DCC: variants seen among roughly 807,000 people sequenced by gnomAD.
DCC encodes the protein netrin receptor DCC.
A neutral mutation model predicts 172.5 loss-of-function variants in DCC; 58 were observed. The ratio of observed to expected loss-of-function variants is 0.34; its 90% CI spans 0.27 to 0.42. The LOEUF (loss-of-function observed/expected upper bound fraction) is 0.42. Among genes scored for constraint, DCC ranks in the 10% least tolerant of loss-of-function variants. The pLI is 1.00. For synonymous variants in DCC, 709 were observed against 644.5 expected, an observed-to-expected ratio of 1.10 and a Z score of -1.52; for missense variants, 1,740 against 1,791.0, an observed-to-expected ratio of 0.97 and a Z score of 0.51.
chr18:53,507,250 A>C (rs948648549), intron 27 of DCC, among the ~76,000 whole-genome samples: 20 of 152,236 alleles, frequency 1.3e-4, no homozygotes, highest in African/African-American at 4.8e-4. Context: ...AAATGTTGAA[A>C]TAAAGTGCTC....
At chr18:53,249,644 C>G (rs543701037) in intron 12 of DCC, among the ~76,000 whole-genome samples, 1 of 152,060 alleles carries the variant, frequency 6.6e-6, no homozygotes, top group African/African-American at 2.4e-5. Context: ...GAATTACATA[C>G]TTTTCCTTGT....
intron 1 of DCC, among the ~76,000 whole-genome samples, chr18:52,368,009 C>G (rs2144289711): frequency 6.6e-6 from 1 of 152,280 alleles, no homozygotes; most frequent in Non-Finnish European, 1.5e-5. Flanking sequence ...GCAAACAGGC[C>G]ACAGTAGTTG....
chr18:52,788,722 G>A (rs1376334104), intron 2 of DCC, among the ~76,000 whole-genome samples: 1 of 152,118 alleles, frequency 6.6e-6, no homozygotes, highest in Non-Finnish European at 1.5e-5. Context: ...TGGCTTCAGG[G>A]CGGAGCCCTT....
chr18:53,484,116 A>G (rs2045873075), intron 25 of DCC, among the ~76,000 whole-genome samples: 1 of 151,876 alleles, frequency 6.6e-6, no homozygotes, highest in Admixed American at 6.6e-5. Context: ...CCAAAATCAC[A>G]TTGTGACTTC....
chr18:53,238,470 A>G (rs2056236513), intron 12 of DCC, among the ~76,000 whole-genome samples: 1 of 152,176 alleles, frequency 6.6e-6, no homozygotes, highest in African/African-American at 2.4e-5. Context: ...TTCATTTAAG[A>G]TGAAGAAACA....
chr18:53,147,091 G>A (rs2043926851), intron 7 of DCC, among the ~76,000 whole-genome samples: 1 of 152,132 alleles, frequency 6.6e-6, no homozygotes, highest in South Asian at 2.1e-4. Flanking sequence ...GGTGATTATT[G>A]TTTTTATTGT....
At chr18:53,284,222 C>T (rs2056908306) in intron 12 of DCC, among the ~76,000 whole-genome samples, 1 of 152,074 alleles carries the variant, frequency 6.6e-6, no homozygotes, top group South Asian at 2.1e-4. Context: ...AGATTGAAAC[C>T]TCCAGGAATT....
chr18:52,857,715 T>C (rs1020659382), intron 2 of DCC, among the ~76,000 whole-genome samples: 4 of 152,310 alleles, frequency 2.6e-5, no homozygotes, highest in African/African-American at 7.2e-5. Context: ...AAACACCATA[T>C]TGGCCAACCC....
At chr18:53,530,446 G>C (rs1266774297) in intron 28 of DCC, 118 bp from the exon 29 acceptor site, 1 of 755,410 alleles carries the variant, frequency 1.3e-6, no homozygotes, top group South Asian at 1.4e-5. Flanking sequence ...AGCCCTGGCT[G>C]TGGTCTCCTA....
At chr18:52,639,923 A>G (rs994219154) in intron 1 of DCC, among the ~76,000 whole-genome samples, 22 of 152,090 alleles carry the variant, frequency 1.4e-4, no homozygotes, top group Non-Finnish European at 2.8e-4. Flanking sequence ...AAAGAAAACT[A>G]CAGACTGATA....
intron 2 of DCC, among the ~76,000 whole-genome samples, chr18:52,775,339 G>A (rs182758759): frequency 6.6e-6 from 1 of 152,138 alleles, no homozygotes; most frequent in Admixed American, 6.5e-5. Flanking sequence ...TGTGATACAG[G>A]GTGCTCTCTT....
At chr18:52,873,117 C>G (rs916004347) in intron 2 of DCC, among the ~76,000 whole-genome samples, 2 of 152,160 alleles carry the variant, frequency 1.3e-5, no homozygotes, top group African/African-American at 4.8e-5. Context: ...AAATATCCTA[C>G]AAAATATCTT....
intron 1 of DCC, among the ~76,000 whole-genome samples, chr18:52,343,937 T>C (rs1436733945): frequency 1.5e-4 from 6 of 41,074 alleles, no homozygotes; most frequent in Non-Finnish European, 3.0e-4. Flanking sequence ...TGCCGCAGTA[T>C]AAATCACCAG....
intron 12 of DCC, among the ~76,000 whole-genome samples, chr18:53,300,156 A>G (rs1191252026): frequency 6.6e-6 from 1 of 152,182 alleles, no homozygotes; most frequent in African/African-American, 2.4e-5. Flanking sequence ...TTTTTATTAT[A>G]TAAGTACAGT....
intron 1 of DCC, among the ~76,000 whole-genome samples, chr18:52,608,333 T>C (rs983879948): frequency 6.6e-6 from 1 of 152,152 alleles, no homozygotes; most frequent in Non-Finnish European, 1.5e-5. Flanking sequence ...AATCTTTACA[T>C]ATAAACAATA....
rs2040182151 is a variant in DCC, at chr18:52,925,178, T to A, written c.849-56T>A. The A allele has an allele frequency of 2.6e-6, 4 of 1,542,958 alleles. No homozygotes were observed. The Admixed American group carries it at 6.7e-5, about 26-fold the overall frequency. ...TGGAGGTCATTTAAAGCTCTGAGTA[T>A]CTTGCTTAATATATACATATGTTAA... is the stretch of plus-strand genomic sequence containing the variant. On this transcript the variant is annotated intron_variant, in intron 4 of 28. Coordinates refer to ENST00000442544, the MANE Select transcript of DCC (RefSeq NM_005215.4).
At chr18:52,539,513 A>G (rs936186762) in intron 1 of DCC, among the ~76,000 whole-genome samples, 2 of 152,190 alleles carry the variant, frequency 1.3e-5, no homozygotes, top group Admixed American at 6.5e-5. Context: ...TCATAGGAGT[A>G]CAACCCCTAT....
intron 12 of DCC, among the ~76,000 whole-genome samples, chr18:53,256,826 G>T (rs1288138231): frequency 6.6e-6 from 1 of 152,134 alleles, no homozygotes; most frequent in Non-Finnish European, 1.5e-5. Flanking sequence ...TTACAATATT[G>T]ATTCTTCCTA....
At chr18:52,570,444 TA>T (rs1317245770) in intron 1 of DCC, among the ~76,000 whole-genome samples, 1 of 152,218 alleles carries the variant, frequency 6.6e-6, no homozygotes, top group Non-Finnish European at 1.5e-5. Context: ...ACTTTAATGT[TA>T]AACAAGCTTT....
Sources: allele counts gnomAD v4.1 joint callset (sites outside exome capture counted in the v4.1 genomes callset), GRCh38; gene constraint gnomAD v4.1.1; transcripts MANE v1.5; gene names NCBI Gene and HGNC (gene_info 2026-07-23, HGNC 2026-07-21).